The following DCLK2 variants were observed in gnomAD, a reference collection of about 807,000 sequenced individuals.
DCLK2 encodes doublecortin like kinase 2, also known as serine/threonine-protein kinase DCLK2.
In DCLK2, 31 loss-of-function variants were observed where a neutral mutation model predicts 78.4. The ratio of observed to expected loss-of-function variants is 0.40; its 90% CI spans 0.30 to 0.53. DCLK2 has a LOEUF of 0.53. Ranked by LOEUF, DCLK2 falls within the 20% of genes least tolerant of loss-of-function variation. The probability of loss-of-function intolerance (pLI) is 0.61; values close to 1 mark genes in which losing one functional copy is unlikely to be tolerated. For synonymous variants in DCLK2, 407 were observed against 374.9 expected (o/e 1.09, Z -0.99); for missense variants, 872 against 973.7 (o/e 0.90, Z 1.39).
At position 150,102,680 on chromosome 4, in the gene DCLK2, T is replaced by C; in HGVS notation, c.624T>C (p.Pro208=). 6.2e-7 allele frequency: 1 copy of C among 1,614,106 alleles called. No individual in the cohort carries two copies. The highest frequency in any genetic ancestry group is 8.5e-7 in the Non-Finnish European group (1 of 1,179,994). The change falls in exon 2 of 16, where the codon CCT becomes CCC. Residue 208 remains proline, a synonymous_variant. Transcript: ENST00000296550. Reference sequence around the variant, plus strand: ...CTGTGATTCGAAGTGGAGTGAAGCCTAGAAAAGCCGTGCGGATCCTTCTGA... The same window carrying C: ...CTGTGATTCGAAGTGGAGTGAAGCCCAGAAAAGCCGTGCGGATCCTTCTGA... ...LVTVIRSGVK[P]RKAVRILLNK... is the part of the protein sequence containing the mutation.
At chr4:150,219,981 T>G (rs1380893837) in intron 5 of DCLK2, among the ~76,000 whole-genome samples, 1 of 152,142 alleles carries the variant, frequency 6.6e-6, no homozygotes, top group African/African-American at 2.4e-5. Flanking sequence ...AAAATTTCTC[T>G]GGCAATACTA....
intron 2 of DCLK2, among the ~76,000 whole-genome samples, chr4:150,179,974 G>T: frequency 6.6e-6 from 1 of 152,024 alleles, no homozygotes; most frequent in African/African-American, 2.4e-5. Context: ...CTAGATATAA[G>T]CTTACATACT....
intron 4 of DCLK2, among the ~76,000 whole-genome samples, chr4:150,203,225 G>T (rs1464110126): frequency 1.3e-5 from 2 of 152,176 alleles, no homozygotes; most frequent in Non-Finnish European, 2.9e-5. Flanking sequence ...AAAAAAGGTT[G>T]AAGAATGTTT....
intron 1 of DCLK2, among the ~76,000 whole-genome samples, chr4:150,087,146 T>A (rs1729705865): frequency 6.6e-6 from 1 of 152,244 alleles, no homozygotes. Context: ...GAAGTCATTA[T>A]ATTGTAATTT....
intron 10 of DCLK2, among the ~76,000 whole-genome samples, chr4:150,237,871 C>T (rs1380940406): frequency 6.6e-6 from 1 of 152,152 alleles, no homozygotes; most frequent in Non-Finnish European, 1.5e-5. Context: ...TGAGTATAGA[C>T]TAGGTCTCTG....
intron 2 of DCLK2, among the ~76,000 whole-genome samples, chr4:150,135,447 T>C (rs961040403): frequency 6.6e-6 from 1 of 152,202 alleles, no homozygotes; most frequent in Non-Finnish European, 1.5e-5. Flanking sequence ...TGAGTAGTAC[T>C]CAAATCTGTT....
chr4:150,144,046 T>G (rs1352167787), intron 2 of DCLK2, among the ~76,000 whole-genome samples: 1 of 152,198 alleles, frequency 6.6e-6, no homozygotes, highest in Non-Finnish European at 1.5e-5. Flanking sequence ...TTTAGATTAA[T>G]TAAGTCACAT....
At chr4:150,204,251 C>T (rs769445512) in intron 5 of DCLK2, among the ~76,000 whole-genome samples, 4 of 152,158 alleles carry the variant, frequency 2.6e-5, no homozygotes, top group African/African-American at 4.8e-5. Flanking sequence ...AATCTTGTTT[C>T]GAGTCATGAC....
At chr4:150,214,615 A>C (rs574020577) in intron 5 of DCLK2, among the ~76,000 whole-genome samples, 1 of 152,180 alleles carries the variant, frequency 6.6e-6, no homozygotes, top group Non-Finnish European at 1.5e-5. Context: ...GTTGCCACAG[A>C]GAACCTGTGA....
intron 2 of DCLK2, among the ~76,000 whole-genome samples, chr4:150,155,652 G>A (rs911820798): frequency 3.3e-5 from 5 of 152,172 alleles, no homozygotes; most frequent in African/African-American, 1.2e-4. Flanking sequence ...CAGGTGTTGA[G>A]AAAAGCTTGC....
In DCLK2 at chr4:150,232,355, G is replaced by A; in HGVS notation, c.1318G>A (p.Glu440Lys). The part of the protein sequence containing the change: ...CCGKEHLIEN[E>K]VSILRRVKHP... Reference sequence around the variant, plus strand: ...TTGACAGGAACACCTGATTGAGAATGAAGTGTCAATACTGCGCCGAGTGAA... The same window carrying A: ...TTGACAGGAACACCTGATTGAGAATAAAGTGTCAATACTGCGCCGAGTGAA... Residue 440 changes from glutamate to lysine, a missense_variant, in exon 9 of 16, where the codon GAA becomes AAA. Glu to Lys is a moderately conservative substitution (Grantham distance 56, BLOSUM62 1). This residue lies in a region of DCLK2 where 567 missense variants were observed against 593.4 expected (regional missense o/e 0.96). Coordinates refer to ENST00000296550, the MANE Select transcript of DCLK2 (RefSeq NM_001040260.4). 1 of 1,614,010 alleles carries A rather than the reference G, an allele frequency of 6.2e-7. No individual in the cohort carries two copies.
intron 5 of DCLK2, among the ~76,000 whole-genome samples, chr4:150,218,521 G>A (rs1353888952): frequency 6.6e-6 from 1 of 152,184 alleles, no homozygotes; most frequent in Non-Finnish European, 1.5e-5. Flanking sequence ...ACTTGTTGTA[G>A]GACCATTACC....
At chr4:150,248,436 C>A in intron 14 of DCLK2, 51 bp downstream of exon 14, 2 of 1,442,534 alleles carry the variant, frequency 1.4e-6, no homozygotes, top group Non-Finnish European at 2.0e-6. Flanking sequence ...CTGTGGCCAA[C>A]AGCACGGTTC....
At chr4:150,205,106 C>CT (rs1739756442) in intron 5 of DCLK2, among the ~76,000 whole-genome samples, 2 of 152,076 alleles carry the variant, frequency 1.3e-5, no homozygotes, top group African/African-American at 2.4e-5. Context: ...TAGAGGATTT[C>CT]TTTAAAGATG....
chr4:150,119,909 T>G (rs1244136170), intron 2 of DCLK2, among the ~76,000 whole-genome samples: 1 of 152,198 alleles, frequency 6.6e-6, no homozygotes, highest in African/African-American at 2.4e-5. Flanking sequence ...TCAAGTGACT[T>G]TTTGCTTTGT....
At chr4:150,203,977 T>C in intron 5 of DCLK2, 88 bp downstream of exon 5, 1 of 1,207,862 alleles carries the variant, frequency 8.3e-7, no homozygotes, top group Non-Finnish European at 1.2e-6. Context: ...GGGGCTTGAG[T>C]ACAGTAGCAA....
rs544785829 is a variant in DCLK2 at position 150,210,750 on chromosome 4, C to A, written c.1056+6861C>A. ...ATCACCTGAGGTCAGGAGTTTGAGA[C>A]CAGCCTGGCCAAAATGGTGAAACCC... On this transcript the variant is annotated intron_variant, in intron 5 of 15. Coordinates refer to ENST00000296550, the MANE Select transcript of DCLK2 (RefSeq NM_001040260.4). 3.9e-4 allele frequency among the ~76,000 whole-genome samples: 59 copies of A among 152,120 alleles called. 1 individual carries two copies. The highest frequency in any genetic ancestry group is 2.9e-3 in the Admixed American group (44 of 15,280).
intron 3 of DCLK2, among the ~76,000 whole-genome samples, chr4:150,196,823 A>G (rs1008829827): frequency 2.0e-5 from 3 of 152,200 alleles, no homozygotes; most frequent in Non-Finnish European, 4.4e-5. Flanking sequence ...TACTCTAAAT[A>G]TTATTTTATT....
chr4:150,115,479 G>A (rs1299566515), intron 2 of DCLK2, among the ~76,000 whole-genome samples: 1 of 151,780 alleles, frequency 6.6e-6, no homozygotes. Context: ...CTTTTCATTG[G>A]GTTAGACTAA....
Sources: gnomAD v4.1 joint callset for allele counts (sites outside exome capture counted in the v4.1 genomes callset) on GRCh38, gnomAD v4.1.1 for gene constraint, gnomAD v4.1.1 regional missense constraint, MANE v1.5 for transcripts, NCBI Gene and HGNC (gene_info 2026-07-23, HGNC 2026-07-21) for gene names.